PKNOX2: variants seen among roughly 807,000 people sequenced by gnomAD.
PKNOX2 encodes the protein PBX/knotted 1 homeobox 2, also known as homeobox protein PKNOX2.
In PKNOX2, 14 loss-of-function variants were observed where a neutral mutation model predicts 53.1. The observed-to-expected ratio is 0.26, with a 90% confidence interval of 0.17 to 0.41. The LOEUF (loss-of-function observed/expected upper bound fraction) is 0.41. Ranked by LOEUF, PKNOX2 falls within the 10% of genes least tolerant of loss-of-function variation. PKNOX2 has a pLI of 1.00. For missense variants in PKNOX2, 496 were observed against 602.8 expected, an observed-to-expected ratio of 0.82 and a Z score of 1.85; for synonymous variants, 257 against 242.8, an observed-to-expected ratio of 1.06 and a Z score of -0.54.
chr11:125,194,636 C>T (rs1957076893), intron 1 of PKNOX2, among the ~76,000 whole-genome samples: 1 of 152,168 alleles, frequency 6.6e-6, no homozygotes, highest in Non-Finnish European at 1.5e-5. Context: ...ACCCCAAAGG[C>T]CCACTCTTGC....
chr11:125,422,880 C>T lies in PKNOX2; in HGVS notation c.937-6132C>T, dbSNP rs1036406460. 6.6e-6 allele frequency among the ~76,000 whole-genome samples: 1 copy of T among 152,154 alleles called. No homozygotes were observed. Among genetic ancestry groups the T allele is most frequent in the Non-Finnish European group, 1.5e-5 (1 of 68,026 alleles). Reference sequence around the variant, plus strand: ...CACAGAAGGGGCTGCTGGGAGGCTCCTGCCATCTGCCAGGAAACAACCTGT... The same window carrying T: ...CACAGAAGGGGCTGCTGGGAGGCTCTTGCCATCTGCCAGGAAACAACCTGT... On this transcript the variant is annotated intron_variant, in intron 10 of 12. Transcript: ENST00000298282. This position sits in a 1 kb window ranked among gnomAD's most constrained non-coding sequence, Gnocchi z 4.1.
At chr11:125,171,982 T>C (rs1007570072) in intron 1 of PKNOX2, among the ~76,000 whole-genome samples, 3 of 152,064 alleles carry the variant, frequency 2.0e-5, no homozygotes, top group Non-Finnish European at 4.4e-5. Flanking sequence ...TGGGGCAGGA[T>C]GTGGAGTGAC....
chr11:125,421,375 G>A (rs536135730), intron 10 of PKNOX2, among the ~76,000 whole-genome samples: 29 of 152,310 alleles, frequency 1.9e-4, no homozygotes, highest in Admixed American at 1.2e-3. Flanking sequence ...TGTGAGGAGC[G>A]GCTGAGGGGT....
intron 2 of PKNOX2, among the ~76,000 whole-genome samples, chr11:125,292,056 G>A (rs575639892): frequency 7.2e-5 from 11 of 152,134 alleles, no homozygotes; most frequent in Non-Finnish European, 1.5e-4. Context: ...GGTTAAAATG[G>A]CATATTTTAC....
Position 125,222,387 on chromosome 11 carries a change from C to A in PKNOX2, c.-200-12658C>A, listed in dbSNP as rs1469005575. Among the ~76,000 whole-genome samples, 6 of 152,020 alleles carry A rather than the reference C, an allele frequency of 3.9e-5. 1 individual carries two copies. The highest frequency in any genetic ancestry group is 1.5e-4 in the African/African-American group (6 of 41,372). On this transcript the variant is annotated intron_variant, in intron 1 of 12. Coordinates refer to ENST00000298282, the MANE Select transcript of PKNOX2 (RefSeq NM_001382323.2). Reference sequence around the variant, plus strand: ...TGTCTTTTTGTTTTTCTTGGTGGAGCAGTTTGATGTTTTTCATGTGATATT... The same window carrying A: ...TGTCTTTTTGTTTTTCTTGGTGGAGAAGTTTGATGTTTTTCATGTGATATT...
chr11:125,293,857 G>A (rs1266649870), intron 2 of PKNOX2, among the ~76,000 whole-genome samples: 1 of 151,830 alleles, frequency 6.6e-6, no homozygotes, highest in Non-Finnish European at 1.5e-5. Flanking sequence ...TATCCCTGGA[G>A]AAATGGAACA....
chr11:125,371,559 C>T (rs1952547697), intron 5 of PKNOX2, among the ~76,000 whole-genome samples: 1 of 152,078 alleles, frequency 6.6e-6, no homozygotes, highest in Non-Finnish European at 1.5e-5. Context: ...CAGTCTCCTT[C>T]GTTCCCCTTT....
intron 1 of PKNOX2, among the ~76,000 whole-genome samples, chr11:125,191,576 C>T (rs1956879003): frequency 6.6e-6 from 1 of 152,206 alleles, no homozygotes; most frequent in African/African-American, 2.4e-5. Flanking sequence ...CGTCACAGTG[C>T]AGTCACCTGC....
chr11:125,263,267 C>T (rs868119281), intron 2 of PKNOX2, among the ~76,000 whole-genome samples: 32 of 152,366 alleles, frequency 2.1e-4, no homozygotes, highest in Middle Eastern at 3.4e-3. Context: ...CAAGCTCCCC[C>T]ACCCCACCCC....
chr11:125,226,172 G>A (rs1941672225), intron 1 of PKNOX2, among the ~76,000 whole-genome samples: 1 of 152,190 alleles, frequency 6.6e-6, no homozygotes, highest in Admixed American at 6.5e-5. Flanking sequence ...TGCAGGCAAG[G>A]CAGGAATAGA....
At chr11:125,359,271 C>T (rs1951795673) in intron 4 of PKNOX2, among the ~76,000 whole-genome samples, 1 of 152,152 alleles carries the variant, frequency 6.6e-6, no homozygotes, top group South Asian at 2.1e-4. Flanking sequence ...TGAAAGTTCC[C>T]CTAAGCTTTT....
At chr11:125,281,240 G>A (rs11824340) in intron 2 of PKNOX2, among the ~76,000 whole-genome samples, 8,438 of 152,272 alleles carry the variant, frequency 0.055, 756 homozygotes, top group African/African-American at 0.19. Context: ...CTCCTGGAAC[G>A]TATATGCGTG....
intron 2 of PKNOX2, among the ~76,000 whole-genome samples, chr11:125,327,650 G>A (rs191026401): frequency 6.6e-6 from 1 of 152,230 alleles, no homozygotes; most frequent in East Asian, 1.9e-4. Context: ...GGATGGCCGC[G>A]GCCATCAGGG....
At chr11:125,187,302 T>G (rs564507347) in intron 1 of PKNOX2, among the ~76,000 whole-genome samples, 1 of 152,198 alleles carries the variant, frequency 6.6e-6, no homozygotes, top group Non-Finnish European at 1.5e-5. Flanking sequence ...GTTTGTTAGA[T>G]GTATTGACAT....
Position 125,267,625 on chromosome 11 carries a change from C to T in PKNOX2, c.-130+32510C>T, listed in dbSNP as rs185585812. Among the ~76,000 whole-genome samples, 14 of 152,330 alleles carry T rather than the reference C, an allele frequency of 9.2e-5. No homozygotes were observed. The East Asian group carries it at 2.7e-3, about 29-fold the overall frequency. On this transcript the variant is annotated intron_variant, in intron 2 of 12. Coordinates refer to ENST00000298282, the MANE Select transcript of PKNOX2 (RefSeq NM_001382323.2). ...AAACAACAAACAACCCCAAACATCTCCCAGCGCCAGACTGATAGCTCAGAT... is the reference window on the plus strand; with the variant it reads ...AAACAACAAACAACCCCAAACATCTTCCAGCGCCAGACTGATAGCTCAGAT...
chr11:125,313,840 G>A (rs1414079823), intron 2 of PKNOX2, among the ~76,000 whole-genome samples: 2 of 152,204 alleles, frequency 1.3e-5, no homozygotes, highest in East Asian at 1.9e-4. Context: ...CCATGGTATT[G>A]GAAAATACAG....
At chr11:125,268,644 T>G (rs1346748428) in intron 2 of PKNOX2, among the ~76,000 whole-genome samples, 1 of 152,168 alleles carries the variant, frequency 6.6e-6, no homozygotes, top group Admixed American at 6.5e-5. Flanking sequence ...ATAAAGCTGG[T>G]CTGGTTGGCC....
chr11:125,393,316 C>T (rs1370754456), intron 6 of PKNOX2, among the ~76,000 whole-genome samples: 1 of 152,098 alleles, frequency 6.6e-6, no homozygotes, highest in Non-Finnish European at 1.5e-5. Flanking sequence ...CTAGAAGTTC[C>T]TCGATGTTCT....
chr11:125,190,790 C>T (rs887810118), intron 1 of PKNOX2, among the ~76,000 whole-genome samples: 2 of 152,188 alleles, frequency 1.3e-5, no homozygotes, highest in Non-Finnish European at 2.9e-5. Context: ...TTAAATACAG[C>T]GCTCTGTGAC....
Sources: gnomAD v4.1 joint callset for allele counts (sites outside exome capture counted in the v4.1 genomes callset) on GRCh38, gnomAD v4.1.1 for gene constraint, Gnocchi (gnomAD v3.1) non-coding constraint, MANE v1.5 for transcripts, NCBI Gene and HGNC (gene_info 2026-07-23, HGNC 2026-07-21) for gene names.